The following CMSS1 variants were observed in gnomAD, a reference collection of about 807,000 sequenced individuals.
CMSS1 encodes cms1 ribosomal small subunit homolog.
In CMSS1, 33 loss-of-function variants were observed where a neutral mutation model predicts 43.5. That is an observed-to-expected ratio of 0.76 (90% CI 0.57 to 1.01). CMSS1 has a LOEUF of 1.01. CMSS1 is among the 50% of genes least tolerant of loss of function. CMSS1 has a pLI of 0.00. For synonymous variants in CMSS1, 115 were observed against 117.2 expected, an observed-to-expected ratio of 0.98 and a Z score of 0.12; for missense variants, 313 against 326.4, an observed-to-expected ratio of 0.96 and a Z score of 0.32.
chr3:99,872,196 G>A (rs1489457168), intron 1 of CMSS1, among the ~76,000 whole-genome samples: 5 of 151,276 alleles, frequency 3.3e-5, no homozygotes, highest in Admixed American at 3.3e-4. Context: ...CTTCTGTAAA[G>A]TGAGGCATTT....
At chr3:100,024,497 C>G (rs2064882317) in intron 1 of CMSS1, among the ~76,000 whole-genome samples, 1 of 152,106 alleles carries the variant, frequency 6.6e-6, no homozygotes, top group African/African-American at 2.4e-5. Flanking sequence ...TTTATCAGGT[C>G]TCCTTAGACT....
chr3:99,934,000 C>T (rs1006140184), intron 1 of CMSS1, among the ~76,000 whole-genome samples: 2 of 152,140 alleles, frequency 1.3e-5, no homozygotes, highest in South Asian at 4.1e-4. Context: ...TGGTCTAAGA[C>T]GGGCTCTCAC....
At chr3:99,819,664 T>A (rs1007599820) in intron 1 of CMSS1, among the ~76,000 whole-genome samples, 1 of 152,216 alleles carries the variant, frequency 6.6e-6, no homozygotes, top group Non-Finnish European at 1.5e-5. Context: ...CCGCTACTAC[T>A]TTGTGACTTC....
intron 1 of CMSS1, among the ~76,000 whole-genome samples, chr3:99,844,000 C>G (rs28368726): frequency 1.3e-5 from 2 of 151,864 alleles, no homozygotes; most frequent in Admixed American, 1.3e-4. Context: ...CCCAACCCCC[C>G]GCCCATGGAA....
At chr3:99,831,240 C>G (rs891185354) in intron 1 of CMSS1, among the ~76,000 whole-genome samples, 6 of 152,126 alleles carry the variant, frequency 3.9e-5, no homozygotes, top group Non-Finnish European at 5.9e-5. Flanking sequence ...GAGGCCAAAG[C>G]TTCAGGAAAA....
intron 1 of CMSS1, among the ~76,000 whole-genome samples, chr3:100,048,459 C>T (rs987507245): frequency 6.6e-6 from 1 of 152,020 alleles, no homozygotes; most frequent in Non-Finnish European, 1.5e-5. Flanking sequence ...TGTGGCTAAC[C>T]GAGGCAAGCT....
At chr3:99,994,199 T>G (rs1323054184) in intron 1 of CMSS1, among the ~76,000 whole-genome samples, 1 of 152,196 alleles carries the variant, frequency 6.6e-6, no homozygotes, top group African/African-American at 2.4e-5. Flanking sequence ...TGGCTCAGTC[T>G]CAGTAGGTTT....
intron 1 of CMSS1, among the ~76,000 whole-genome samples, chr3:100,119,025 T>C (rs1299328749): frequency 6.6e-6 from 1 of 152,116 alleles, no homozygotes; most frequent in African/African-American, 2.4e-5. Flanking sequence ...TTCGGTTTCC[T>C]CCTCTGTGAA....
At chr3:99,823,996 C>T (rs1219134478) in intron 1 of CMSS1, among the ~76,000 whole-genome samples, 1 of 151,200 alleles carries the variant, frequency 6.6e-6, no homozygotes, top group Non-Finnish European at 1.5e-5. Flanking sequence ...GATCTCAGCT[C>T]ACTGCATCCT....
chr3:100,042,786 A>G (rs1482713302), intron 1 of CMSS1, among the ~76,000 whole-genome samples: 1 of 152,222 alleles, frequency 6.6e-6, no homozygotes, highest in East Asian at 1.9e-4. Context: ...AACATGAGAA[A>G]TACACGTTTT....
At chr3:100,061,135 A>C (rs1397191501) in intron 1 of CMSS1, among the ~76,000 whole-genome samples, 1 of 152,172 alleles carries the variant, frequency 6.6e-6, no homozygotes, top group East Asian at 1.9e-4. Context: ...GCACTGTTAA[A>C]ATTTAAAAAA....
intron 1 of CMSS1, among the ~76,000 whole-genome samples, chr3:100,145,711 A>G (rs1477007480): frequency 2.0e-5 from 3 of 152,222 alleles, no homozygotes; most frequent in Non-Finnish European, 4.4e-5. Flanking sequence ...CGACCCAGGA[A>G]GAGCTGGTGT....
chr3:99,844,605 A>G (rs1943279429), intron 1 of CMSS1, among the ~76,000 whole-genome samples: 1 of 152,262 alleles, frequency 6.6e-6, no homozygotes, highest in Non-Finnish European at 1.5e-5. Context: ...AGTAAAGACC[A>G]TAGAATCCTT....
chr3:100,160,412 A>T lies in CMSS1; in HGVS notation c.154-18A>T, dbSNP rs1348082579. The T allele has an allele frequency of 7.7e-7, 1 of 1,294,818 alleles. No individual in the cohort carries two copies. The highest frequency in any genetic ancestry group is 1.1e-6 in the Non-Finnish European group (1 of 900,782). 80.2% of individuals were successfully genotyped at this position (1,294,818 alleles called of 1,614,324 possible). On this transcript the variant is annotated intron_variant, in intron 2 of 9. Coordinates refer to ENST00000421999, the MANE Select transcript of CMSS1 (RefSeq NM_032359.4). Reference sequence around the variant, plus strand: ...ATCATGAAAAGATTAAAATGTTCTCATTTGTATTTCTTAATAGCCTAAAGA... The same window carrying T: ...ATCATGAAAAGATTAAAATGTTCTCTTTTGTATTTCTTAATAGCCTAAAGA...
chr3:100,002,969 C>A (rs749159847), intron 1 of CMSS1, among the ~76,000 whole-genome samples: 1 of 152,110 alleles, frequency 6.6e-6, no homozygotes, highest in East Asian at 1.9e-4. Context: ...AGAGTCCAGG[C>A]GACAAGATTG....
rs1016599990 is a variant in CMSS1, at chr3:100,038,019, A to G, written c.65-108954A>G. On this transcript the variant is annotated intron_variant, in intron 1 of 9. Transcript: ENST00000421999. Reference sequence around the variant, plus strand: ...CGCCCAGGTGGAGTGCAGTGGCACAATCTCGGCTCACTGCAACCTCTGCCT... The same window carrying G: ...CGCCCAGGTGGAGTGCAGTGGCACAGTCTCGGCTCACTGCAACCTCTGCCT... 5.3e-5 allele frequency among the ~76,000 whole-genome samples: 8 copies of G among 150,948 alleles called. No homozygotes were observed. In the East Asian group the frequency reaches 1.4e-3, roughly 26 times the overall value.
At chr3:99,933,729 A>G (rs1217691960) in intron 1 of CMSS1, among the ~76,000 whole-genome samples, 3 of 152,130 alleles carry the variant, frequency 2.0e-5, no homozygotes. Context: ...AGGGCCATCT[A>G]TGTCCTTTGT....
chr3:100,047,917 G>A (rs2065303463), intron 1 of CMSS1, among the ~76,000 whole-genome samples: 2 of 152,162 alleles, frequency 1.3e-5, no homozygotes, highest in Admixed American at 1.3e-4. Flanking sequence ...GCACTTAGTA[G>A]GCAAATTTTC....
At chr3:100,080,484 G>C (rs542381444) in intron 1 of CMSS1, among the ~76,000 whole-genome samples, 8 of 152,302 alleles carry the variant, frequency 5.3e-5, no homozygotes, top group South Asian at 2.1e-4. Flanking sequence ...TATAGTAAGA[G>C]ATGGGGCCCA....
Sources: gnomAD v4.1 joint callset for allele counts (sites outside exome capture counted in the v4.1 genomes callset) on GRCh38, gnomAD v4.1.1 for gene constraint, MANE v1.5 for transcripts, NCBI Gene and HGNC (gene_info 2026-07-23, HGNC 2026-07-21) for gene names.